The following FN1 variants were observed in gnomAD, a reference collection of about 807,000 sequenced individuals.
FN1 encodes the protein fibronectin 1.
In FN1, 106 loss-of-function variants were observed where a neutral mutation model predicts 297.3. The observed-to-expected ratio is 0.36, with a 90% CI of 0.30 to 0.42. The LOEUF is 0.42. FN1 is among the 10% of genes least tolerant of loss of function. The probability of loss-of-function intolerance (pLI) is 1.00; values close to 1 mark genes in which losing one functional copy is unlikely to be tolerated. For missense variants in FN1, 2,690 were observed against 3,124.9 expected (o/e 0.86, Z 3.32); for synonymous variants, 1,149 against 1,152.6 (o/e 1.00, Z 0.06).
chr2:215,420,198 G>C (rs1230609296), intron 11 of FN1, among the ~76,000 whole-genome samples: 1 of 152,104 alleles, frequency 6.6e-6, no homozygotes, highest in African/African-American at 2.4e-5. Context: ...AATTAGCTGG[G>C]CCTGGTGGCG....
chr2:215,360,973 T>C lies in FN1; in HGVS notation c.*582A>G, dbSNP rs912355448. The C allele has an allele frequency of 3.2e-5, 5 of 154,996 alleles. No homozygotes were observed. The highest frequency in any genetic ancestry group is 1.2e-4 in the African/African-American group (5 of 41,448). 9.6% of individuals were successfully genotyped at this position (154,996 alleles called of 1,614,324 possible). A position where few individuals can be genotyped will look rare whatever the true frequency, so the allele number is the denominator to read the frequency against. The stretch of plus-strand genomic sequence containing the variant: ...CCATAATTATACCAAATTCCTCTTA[T>C]CAACTGCATACTAAGTGTTTTCAAT... On this transcript the variant is annotated 3_prime_UTR_variant, in exon 46 of 46. Transcript: ENST00000354785.
chr2:215,385,431 G>A (rs1037328724), intron 28 of FN1, among the ~76,000 whole-genome samples: 10 of 151,420 alleles, frequency 6.6e-5, no homozygotes, highest in African/African-American at 1.9e-4. Context: ...GCGTGGTGGC[G>A]GGCACCTGTA....
chr2:215,416,529 G>A (rs1463535995), intron 12 of FN1, among the ~76,000 whole-genome samples: 1 of 152,004 alleles, frequency 6.6e-6, no homozygotes, highest in Non-Finnish European at 1.5e-5. Flanking sequence ...GGAAAGCTAG[G>A]AATATCATGT....
intron 29 of FN1, 130 bp downstream of exon 29, chr2:215,384,730 G>A: frequency 2.8e-6 from 2 of 718,540 alleles, no homozygotes; most frequent in South Asian, 1.6e-5. Context: ...TATTTTCTTG[G>A]AAAAAACAAG....
chr2:215,386,609 G>A (rs2059044999), intron 28 of FN1, 80 bp downstream of exon 28: 3 of 581,242 alleles, frequency 5.2e-6, no homozygotes, highest in South Asian at 1.7e-5. Flanking sequence ...GCTGATGACA[G>A]ACAACAGCAA....
rs1001383314 is a variant in FN1 at position 215,379,363 on chromosome 2, G to T, written c.5435-46C>A. 3.9e-6 allele frequency: 6 copies of T among 1,554,728 alleles called. No individual in the cohort carries two copies. The African/African-American group carries it at 8.1e-5, about 21-fold the overall frequency. ...TAGAGGTTATCTTATAGGAAATGGG[G>T]GAAAAGGAAAATAAAGTGAGTTCCA... On this transcript the variant is annotated intron_variant, in intron 33 of 45. Transcript: ENST00000354785.
Position 215,435,932 on chromosome 2 carries a change from C to G in FN1, c.-130G>C. Reference sequence around the variant, plus strand: ...GTTGTCGCCTCCAAGAAGGTGGGGGCCAGAGGGTGGGGAAGGGGACGGGTG... The same window carrying G: ...GTTGTCGCCTCCAAGAAGGTGGGGGGCAGAGGGTGGGGAAGGGGACGGGTG... On this transcript the variant is annotated 5_prime_UTR_variant, in exon 1 of 46. Transcript: ENST00000354785. The G allele has an allele frequency of 6.9e-7, 1 of 1,448,594 alleles. No homozygotes were observed. The highest frequency in any genetic ancestry group is 1.4e-5 in the South Asian group (1 of 70,094). 89.7% of individuals were successfully genotyped at this position (1,448,594 alleles called of 1,614,324 possible).
Position 215,380,821 on chromosome 2 carries a change from G to A in FN1, c.5424C>T (p.Thr1808=). The A allele has an allele frequency of 6.2e-7, 1 of 1,613,034 alleles. No homozygotes were observed. Among genetic ancestry groups the A allele is most frequent in the Middle Eastern group, 1.9e-4 (1 of 5,174 alleles). ...DDMESQPLIG[T]QSTAIPAPTD... ...CAATTAACCATATACCTGTGGACTG[G>A]GTTCCAATCAGGGGCTGGCTCTCCA... Residue 1808 remains threonine, a synonymous_variant, in exon 33 of 46, where the codon ACC becomes ACT. Coordinates refer to ENST00000354785, the MANE Select transcript of FN1 (RefSeq NM_212482.4).
At chr2:215,401,339 A>C (rs1559477596) in intron 20 of FN1, among the ~76,000 whole-genome samples, 1 of 151,860 alleles carries the variant, frequency 6.6e-6, no homozygotes, top group Non-Finnish European at 1.5e-5. Context: ...AAGAAAGGGA[A>C]AGGAAAGGAA....
At position 215,394,600 on chromosome 2, in the gene FN1, C is replaced by G. The variant is rs2060085110; in HGVS notation, c.3724G>C (p.Glu1242Gln). ...CTFDNLSPGLEYNVSVYTVKD... is the reference protein window; with the variant it reads ...CTFDNLSPGLQYNVSVYTVKD... ...ACAGTGTAAACACTGACATTGTACT[C>G]CAGGCCGGGACTCAGGTTATCAAAA... is the stretch of plus-strand genomic sequence containing the variant. Residue 1242 changes from glutamate (E) to glutamine (Q), a missense_variant, in exon 24 of 46, where the codon GAG (glutamate) becomes CAG (glutamine). Physicochemically the swap from Glu to Gln is conservative, Grantham distance 29. This residue lies in a region of FN1 where 1,743 missense variants were observed against 1,945.2 expected (regional missense o/e 0.90). Transcript: ENST00000354785. The G allele has an allele frequency of 6.2e-7, 1 of 1,614,098 alleles. No individual in the cohort carries two copies. Among genetic ancestry groups the G allele is most frequent in the Non-Finnish European group, 8.5e-7 (1 of 1,179,970 alleles).
Position 215,388,277 on chromosome 2 carries a change from A to T in FN1, c.4277T>A (p.Val1426Glu). The T allele has an allele frequency of 6.2e-7, 1 of 1,613,798 alleles. No homozygotes were observed. The highest frequency in any genetic ancestry group is 2.2e-5 in the East Asian group (1 of 44,878). Residue 1426 changes from valine (V) to glutamate (E), a missense_variant, in exon 27 of 46, where the codon GTA (valine) becomes GAA (glutamate). Around this residue, in one of 3 missense-constraint regions of FN1, gnomAD observed 1,743 missense variants for 1,945.2 expected, o/e 0.90. Coordinates refer to ENST00000354785, the MANE Select transcript of FN1 (RefSeq NM_212482.4). ...TTCGTAGACACTGGAGACACTCACT[A>T]CATATTCTGTACCAGGCAGGAGATC... is the stretch of plus-strand genomic sequence containing the variant. ...LTNLLPGTEY[V>E]VSVSSVYEQH...
intron 5 of FN1, among the ~76,000 whole-genome samples, chr2:215,430,110 T>C (rs1414527817): frequency 6.6e-6 from 1 of 152,224 alleles, no homozygotes; most frequent in Non-Finnish European, 1.5e-5. Flanking sequence ...GCTAGATAAA[T>C]AAAACAGGTT....
chr2:215,393,953 T>C (rs2060012160), intron 24 of FN1, among the ~76,000 whole-genome samples: 2 of 152,224 alleles, frequency 1.3e-5, no homozygotes, highest in Non-Finnish European at 2.9e-5. Context: ...CTTTGCAATG[T>C]TGTCTTTCAA....
chr2:215,407,965 C>T, intron 17 of FN1, 143 bp downstream of exon 17: 1 of 668,568 alleles, frequency 1.5e-6, no homozygotes, highest in East Asian at 2.9e-5. Context: ...CACACACACA[C>T]ACACACACAC....
intron 45 of FN1, 51 bp from the exon 46 acceptor site, chr2:215,361,677 G>A (rs781672930): frequency 2.2e-6 from 3 of 1,381,546 alleles, no homozygotes; most frequent in South Asian, 1.2e-5. Context: ...ACTGTAAAGT[G>A]TACAGAAAAA....
intron 21 of FN1, 25 bp downstream of exon 21, chr2:215,399,232 G>A: frequency 6.5e-7 from 1 of 1,543,864 alleles, no homozygotes; most frequent in Non-Finnish European, 9.0e-7. Context: ...CTGTATCACA[G>A]AGATTAGGAA....
chr2:215,394,885 T>C (rs1424131577), intron 23 of FN1, among the ~76,000 whole-genome samples, 166 bp from the exon 24 acceptor site: 2 of 152,158 alleles, frequency 1.3e-5, no homozygotes, highest in Non-Finnish European at 2.9e-5. Context: ...TTTCAGGCAG[T>C]ACTAAGATCC....
chr2:215,392,827 C>T, intron 25 of FN1, 104 bp downstream of exon 25: 1 of 1,308,056 alleles, frequency 7.6e-7, no homozygotes, highest in Non-Finnish European at 1.1e-6. Flanking sequence ...GAATCTTTGG[C>T]CAATTGCTGA....
At chr2:215,377,439 G>A (rs1402174194) in intron 35 of FN1, among the ~76,000 whole-genome samples, 1 of 151,912 alleles carries the variant, frequency 6.6e-6, no homozygotes, top group African/African-American at 2.4e-5. Flanking sequence ...CAAGAGACTG[G>A]GTCATTTAAA....
Sources: allele counts gnomAD v4.1 joint callset (sites outside exome capture counted in the v4.1 genomes callset), GRCh38; gene constraint gnomAD v4.1.1; regional missense constraint gnomAD v4.1.1; transcripts MANE v1.5; gene names NCBI Gene and HGNC (gene_info 2026-07-23, HGNC 2026-07-21).